The following PDZRN3 variants were observed in gnomAD, a reference collection of about 807,000 sequenced individuals.
The protein encoded by PDZRN3 is PDZ domain containing ring finger 3.
Under a neutral mutation model 85.7 loss-of-function variants are expected in PDZRN3, and 38 were observed. That is an observed-to-expected ratio of 0.44 (90% CI 0.34 to 0.58). PDZRN3 has a LOEUF of 0.58. Ranked by LOEUF, PDZRN3 falls within the 20% of genes least tolerant of loss-of-function variation. The pLI is 0.01. For synonymous variants in PDZRN3, 759 were observed against 638.0 expected (o/e 1.19, Z -2.86); for missense variants, 1,629 against 1,506.4 (o/e 1.08, Z -1.35).
chr3:73,515,486 T>C (rs2106716803), intron 3 of PDZRN3, among the ~76,000 whole-genome samples: 1 of 152,306 alleles, frequency 6.6e-6, no homozygotes, highest in Admixed American at 6.5e-5. Context: ...CAATCAGCCC[T>C]TCTTAAACAC....
intron 1 of PDZRN3, among the ~76,000 whole-genome samples, chr3:73,617,556 G>A (rs1490900438): frequency 1.3e-5 from 2 of 152,172 alleles, no homozygotes; most frequent in Non-Finnish European, 2.9e-5. Flanking sequence ...CTGGCACTAG[G>A]GGTATGAGAA....
intron 3 of PDZRN3, among the ~76,000 whole-genome samples, chr3:73,472,528 C>T (rs60102270): frequency 0.12 from 17,717 of 152,142 alleles, 1,911 homozygotes; most frequent in African/African-American, 0.29. Context: ...ACAATGCAAA[C>T]ATCATTTGGA....
At chr3:73,429,231 C>T (rs2106795581) in intron 3 of PDZRN3, among the ~76,000 whole-genome samples, 1 of 152,234 alleles carries the variant, frequency 6.6e-6, no homozygotes, top group Non-Finnish European at 1.5e-5. Flanking sequence ...TTTCTTTTTC[C>T]ATACCTACTT....
Position 73,624,674 on chromosome 3 carries a change from C to G in PDZRN3, c.152G>C (p.Ser51Thr). Residue 51 changes from serine (S) to threonine (T), a missense_variant, in exon 1 of 10, where the codon AGC becomes ACC. Physicochemically the swap from Ser to Thr is moderately conservative, Grantham distance 58. Transcript: ENST00000263666. ...GCGACCGCGGCAGCGCGCCGGGCAG[C>G]TGCCCTCCTGCACCACCCAGGGCAG... is the stretch of plus-strand genomic sequence containing the variant. ...CVLPWVVQEGSCPARCRGRLS... is the reference protein window; with the variant it reads ...CVLPWVVQEGTCPARCRGRLS... 1 of 1,526,652 alleles carries G rather than the reference C, an allele frequency of 6.6e-7. No individual in the cohort carries two copies. The highest frequency in any genetic ancestry group is 8.8e-7 in the Non-Finnish European group (1 of 1,142,428). The allele number at this position is 1,526,652 out of a possible 1,614,324, so 94.6% of individuals were successfully genotyped here. A position where few individuals can be genotyped will look rare whatever the true frequency, so the allele number is the denominator to read the frequency against.
intron 3 of PDZRN3, among the ~76,000 whole-genome samples, chr3:73,570,714 C>T (rs907723099): frequency 6.6e-5 from 10 of 152,046 alleles, no homozygotes; most frequent in Admixed American, 5.9e-4. Context: ...AATGGTGGCC[C>T]GTATGAGCCC....
rs776741508 is a variant in PDZRN3 at position 73,388,094 on chromosome 3, G to A, written c.1417-25C>T. ...TCTTTTAAAAAAAAAGGGGGGGTGG[G>A]GAGAGTGGGGAGACAAATAGCATGA... On this transcript the variant is annotated intron_variant, in intron 7 of 9. Transcript: ENST00000263666. 6 of 1,053,552 alleles carry A rather than the reference G, an allele frequency of 5.7e-6. 1 individual carries two copies. Among genetic ancestry groups the A allele is most frequent in the Non-Finnish European group, 7.0e-6 (5 of 712,300 alleles). 65.3% of individuals were successfully genotyped at this position (1,053,552 alleles called of 1,614,324 possible). A position where few individuals can be genotyped will look rare whatever the true frequency, so the allele number is the denominator to read the frequency against.
intron 3 of PDZRN3, among the ~76,000 whole-genome samples, chr3:73,549,550 G>A (rs997971449): frequency 6.6e-5 from 10 of 152,166 alleles, no homozygotes; most frequent in Non-Finnish European, 1.5e-4. Flanking sequence ...CTGGTAATCG[G>A]CAAAGGTGGC....
chr3:73,623,907 A>T (rs1289810812), intron 1 of PDZRN3, 196 bp downstream of exon 1: 1 of 493,618 alleles, frequency 2.0e-6, no homozygotes, highest in African/African-American at 2.0e-5. Context: ...CTAGACTATA[A>T]AGGACCACAG....
intron 3 of PDZRN3, among the ~76,000 whole-genome samples, chr3:73,461,701 C>T (rs937923827): frequency 5.3e-5 from 8 of 152,192 alleles, no homozygotes; most frequent in Non-Finnish European, 1.0e-4. Flanking sequence ...GTTTTGCGGA[C>T]AGCAGATGCA....
Position 73,425,024 on chromosome 3 carries a change from T to C in PDZRN3, c.919-20629A>G, listed in dbSNP as rs541203490. On this transcript the variant is annotated intron_variant, in intron 3 of 9. Transcript: ENST00000263666. ...ATCCACTCATCCATCAGTATTTTTT[T>C]TTTTTTTTGAGACGGAGTCTCGCTC... 7.0e-4 allele frequency among the ~76,000 whole-genome samples: 107 copies of C among 151,900 alleles called. 1 individual carries two copies. Among genetic ancestry groups the C allele is most frequent in the African/African-American group, 2.5e-3 (105 of 41,452 alleles).
intron 3 of PDZRN3, among the ~76,000 whole-genome samples, chr3:73,507,123 ATC>A (rs1704082176): frequency 6.6e-6 from 1 of 152,090 alleles, no homozygotes; most frequent in Admixed American, 6.6e-5. Flanking sequence ...TCAGAAAATG[ATC>A]TCTTTTTAAA....
rs1339086377 is a variant in PDZRN3 at position 73,390,934 on chromosome 3, G to A, written c.1353+84C>T. 4 of 782,582 alleles carry A rather than the reference G, an allele frequency of 5.1e-6. No homozygotes were observed. In the African/African-American group the frequency reaches 5.6e-5, roughly 11 times the overall value. 48.5% of individuals were successfully genotyped at this position (782,582 alleles called of 1,614,324 possible). The stretch of plus-strand genomic sequence containing the variant: ...TGTCTTTCCAAAGAGATCTTGATGA[G>A]GTGGGTTAGGGTTGGTGAACATGAA... On this transcript the variant is annotated intron_variant, in intron 6 of 9. Coordinates refer to ENST00000263666, the MANE Select transcript of PDZRN3 (RefSeq NM_015009.3).
chr3:73,383,202 A>G lies in PDZRN3; in HGVS notation c.*163T>C. On this transcript the variant is annotated 3_prime_UTR_variant, in exon 10 of 10. Transcript: ENST00000263666. ...AGGGTGTTTTTCTCTCTCTTCCCTTAAAATAGACCTATGACACCCAGAGTT... is the reference window on the plus strand; with the variant it reads ...AGGGTGTTTTTCTCTCTCTTCCCTTGAAATAGACCTATGACACCCAGAGTT... 2 of 599,832 alleles carry G rather than the reference A, an allele frequency of 3.3e-6. No individual in the cohort carries two copies. Among genetic ancestry groups the G allele is most frequent in the Non-Finnish European group, 5.7e-6 (2 of 349,224 alleles). 37.2% of individuals were successfully genotyped at this position (599,832 alleles called of 1,614,324 possible). A position where few individuals can be genotyped will look rare whatever the true frequency, so the allele number is the denominator to read the frequency against.
At chr3:73,602,308 G>T in intron 3 of PDZRN3, 46 bp downstream of exon 3, 4 of 1,015,866 alleles carry the variant, frequency 3.9e-6, no homozygotes, top group Middle Eastern at 2.1e-4. Context: ...GACGAAGATG[G>T]GATGGCATTC....
intron 3 of PDZRN3, among the ~76,000 whole-genome samples, chr3:73,553,134 C>T (rs900234186): frequency 6.6e-6 from 1 of 152,140 alleles, no homozygotes; most frequent in African/African-American, 2.4e-5. Flanking sequence ...TCAAGGTAAG[C>T]GGACATGTCT....
At position 73,401,027 on chromosome 3, in the gene PDZRN3, A is replaced by T; in HGVS notation, c.1167-18T>A. 1 of 1,536,966 alleles carries T rather than the reference A, an allele frequency of 6.5e-7. No homozygotes were observed. Reference sequence around the variant, plus strand: ...AGGGATGCCTGAAAAGAGATGCAACATCTTTACAGCCCTTCTTCCGTTGTC... The same window carrying T: ...AGGGATGCCTGAAAAGAGATGCAACTTCTTTACAGCCCTTCTTCCGTTGTC... On this transcript the variant is annotated intron_variant, in intron 4 of 9. Transcript: ENST00000263666.
intron 3 of PDZRN3, among the ~76,000 whole-genome samples, chr3:73,492,007 C>T (rs1703779860): frequency 1.3e-5 from 2 of 152,044 alleles, no homozygotes; most frequent in African/African-American, 4.8e-5. Context: ...TGTGCTTCTT[C>T]ACACCCCACC....
chr3:73,453,404 C>CA (rs1184407369), intron 3 of PDZRN3, among the ~76,000 whole-genome samples: 1,950 of 97,352 alleles, frequency 0.02, 49 homozygotes, highest in Non-Finnish European at 0.03. Flanking sequence ...GACTTCGTCT[C>CA]AAAAAAAAAA....
intron 1 of PDZRN3, among the ~76,000 whole-genome samples, chr3:73,609,913 T>C (rs944513356): frequency 8.5e-5 from 13 of 152,214 alleles, no homozygotes; most frequent in Non-Finnish European, 1.8e-4. Flanking sequence ...GCTATGGCTG[T>C]CAATGTGCAA....
Sources: gnomAD v4.1 joint callset for allele counts (sites outside exome capture counted in the v4.1 genomes callset) on GRCh38, gnomAD v4.1.1 for gene constraint, MANE v1.5 for transcripts, NCBI Gene and HGNC (gene_info 2026-07-23, HGNC 2026-07-21) for gene names.